The following STAU1 variants were observed in gnomAD, a reference collection of about 807,000 sequenced individuals.
STAU1 encodes the protein double-stranded RNA-binding protein Staufen homolog 1.
A neutral mutation model predicts 62.9 loss-of-function variants in STAU1; 13 were observed. That is an observed-to-expected ratio of 0.21 (90% CI 0.13 to 0.33). STAU1 has a LOEUF of 0.33. STAU1 is among the 10% of genes least tolerant of loss of function. The pLI, the probability that STAU1 is intolerant of heterozygous loss-of-function variation, is 1.00. For missense variants in STAU1, 571 were observed against 712.1 expected (o/e 0.80, Z 2.25); for synonymous variants, 269 against 265.1 (o/e 1.01, Z -0.14).
At chr20:49,162,679 G>C (rs929428309) in intron 3 of STAU1, among the ~76,000 whole-genome samples, 4 of 151,922 alleles carry the variant, frequency 2.6e-5, no homozygotes, top group South Asian at 2.1e-4. Context: ...AGGAGACTGA[G>C]GCAGGAGAAT....
upstream of STAU1, among the ~76,000 whole-genome samples, chr20:49,188,665 C>G (rs1219554549): frequency 6.6e-6 from 1 of 152,242 alleles, no homozygotes; most frequent in East Asian, 1.9e-4. Context: ...TCCTCCACTT[C>G]CTTTTTCCTT....
chr20:49,216,057 A>AT, the STAU1 span, among the ~76,000 whole-genome samples: 1 of 150,404 alleles, frequency 6.6e-6, no homozygotes, highest in Non-Finnish European at 1.5e-5. Context: ...AGAAAAAAAA[A>AT]GAAGAAGAGA....
At chr20:49,209,521 A>G in the STAU1 span, among the ~76,000 whole-genome samples, 1 of 151,648 alleles carries the variant, frequency 6.6e-6, no homozygotes, top group Non-Finnish European at 1.5e-5. Context: ...AGTTGGGTGG[A>G]TCACATGAGG....
At chr20:49,162,478 A>G (rs1216579972) in intron 3 of STAU1, among the ~76,000 whole-genome samples, 1 of 152,188 alleles carries the variant, frequency 6.6e-6, no homozygotes, top group Admixed American at 6.5e-5. Flanking sequence ...CAAACACTCT[A>G]AGAACAGATT....
At chr20:49,175,150 G>A (rs1328365910) in intron 1 of STAU1, among the ~76,000 whole-genome samples, 3 of 151,172 alleles carry the variant, frequency 2.0e-5, no homozygotes, top group Admixed American at 6.6e-5. Context: ...GCGAGACTCC[G>A]TCTCAAAGAA....
upstream of STAU1, chr20:49,188,403 G>T (rs1026782364): frequency 8.7e-6 from 1 of 114,542 alleles, no homozygotes; most frequent in South Asian, 2.8e-4. Context: ...CCCGGCCCCC[G>T]CCCGCCTCCA....
rs766034730 is a variant in STAU1 at position 49,166,118 on chromosome 20, G to C, written c.84C>G (p.Leu28=). 1 of 1,614,106 alleles carries C rather than the reference G, an allele frequency of 6.2e-7. No homozygotes were observed. Among genetic ancestry groups the C allele is most frequent in the African/African-American group, 1.3e-5 (1 of 74,946 alleles). ...AAGGAATACTCATCAAAGGCTGTGA[G>C]AGAAGAGACTGGTTCTTGTTCAGTA... ...SQILNKNQSL[L]SQPLMSIPST... Residue 28 remains leucine (L), a synonymous_variant, in exon 3 of 14, where the codon CTC becomes CTG. Coordinates refer to ENST00000371856, the MANE Select transcript of STAU1 (RefSeq NM_017453.4).
chr20:49,119,907 T>C, intron 9 of STAU1, 75 bp downstream of exon 9: 1 of 1,535,044 alleles, frequency 6.5e-7, no homozygotes, highest in Non-Finnish European at 8.8e-7. Context: ...CCTTGAAGCC[T>C]GCCCCTGGAG....
intron 2 of STAU1, among the ~76,000 whole-genome samples, chr20:49,173,937 T>C (rs992003515): frequency 6.6e-6 from 1 of 152,262 alleles, no homozygotes; most frequent in Non-Finnish European, 1.5e-5. Context: ...GAGCCAGTCA[T>C]GTTTAATGAC....
At chr20:49,175,089 G>A (rs2093642862) in intron 1 of STAU1, among the ~76,000 whole-genome samples, 1 of 152,190 alleles carries the variant, frequency 6.6e-6, no homozygotes, top group African/African-American at 2.4e-5. Context: ...CTGGGAGGTG[G>A]AGGTTGCAGT....
chr20:49,138,556 C>T (rs1400748202), intron 5 of STAU1, among the ~76,000 whole-genome samples: 1 of 152,114 alleles, frequency 6.6e-6, no homozygotes, highest in East Asian at 1.9e-4. Flanking sequence ...GTCTGAAGGA[C>T]AGTGGTACAA....
intron 2 of STAU1, among the ~76,000 whole-genome samples, chr20:49,170,483 G>A (rs771527126): frequency 6.6e-6 from 1 of 151,914 alleles, no homozygotes; most frequent in Non-Finnish European, 1.5e-5. Flanking sequence ...CCCGAGTAGC[G>A]GGAACTACAG....
At chr20:49,120,487 G>T (rs1406736419) in intron 8 of STAU1, among the ~76,000 whole-genome samples, 2 of 152,174 alleles carry the variant, frequency 1.3e-5, no homozygotes, top group African/African-American at 2.4e-5. Flanking sequence ...TCCCAGCATT[G>T]CCATTGGAAG....
At chr20:49,144,161 T>C (rs768780353) in intron 5 of STAU1, among the ~76,000 whole-genome samples, 2 of 152,242 alleles carry the variant, frequency 1.3e-5, no homozygotes, top group Non-Finnish European at 2.9e-5. Context: ...TTTATATCTA[T>C]TTTCTTCCAA....
chr20:49,151,649 G>C lies in STAU1; in HGVS notation c.443C>G (p.Ala148Gly). ...CGCTTTGGCAGCAGCATCGTGTTTC[G>C]CAGCCTGTCTTGTCTTTCCTTTGCC... ...FNGKGKTRQA[A>G]KHDAAAKALR... Residue 148 changes from alanine (A) to glycine (G), a missense_variant, in exon 5 of 14, where the codon GCG becomes GGG. By Grantham distance (60) the Ala-to-Gly change is moderately conservative. Transcript: ENST00000371856. 1 of 1,612,264 alleles carries C rather than the reference G, an allele frequency of 6.2e-7. No homozygotes were observed. The highest frequency in any genetic ancestry group is 8.5e-7 in the Non-Finnish European group (1 of 1,179,344).
the STAU1 span, among the ~76,000 whole-genome samples, chr20:49,217,951 G>C: frequency 6.6e-5 from 10 of 151,342 alleles, no homozygotes; most frequent in African/African-American, 2.4e-4. Flanking sequence ...TCAGCTCACC[G>C]CAACTTCCGC....
intron 2 of STAU1, among the ~76,000 whole-genome samples, chr20:49,173,094 T>C (rs931587533): frequency 6.6e-6 from 1 of 150,734 alleles, no homozygotes; most frequent in Non-Finnish European, 1.5e-5. Context: ...TCCGCCCACC[T>C]TGGCCTCCCA....
chr20:49,139,443 G>A (rs545704934), intron 5 of STAU1, among the ~76,000 whole-genome samples: 154 of 152,238 alleles, frequency 1.0e-3, no homozygotes, highest in Non-Finnish European at 1.4e-3. Context: ...ACAAATAGTC[G>A]GCTGGGCACA....
At chr20:49,125,198 CAAAAAAAAAAA>C (rs1171534142) in intron 6 of STAU1, among the ~76,000 whole-genome samples, 377 of 33,742 alleles carry the variant, frequency 0.011, 7 homozygotes, top group African/African-American at 0.031. Flanking sequence ...CTCATTTTTG[CAAAAAAAAAAA>C]AAAAAAAAAA....
Sources: gnomAD v4.1 joint callset for allele counts (sites outside exome capture counted in the v4.1 genomes callset) on GRCh38, gnomAD v4.1.1 for gene constraint, MANE v1.5 for transcripts, NCBI Gene and HGNC (gene_info 2026-07-23, HGNC 2026-07-21) for gene names.